The following UNC5C variants were observed in gnomAD, a reference collection of about 807,000 sequenced individuals.
UNC5C encodes the protein unc-5 netrin receptor C, also known as netrin receptor UNC5C.
Under a neutral mutation model 99.8 loss-of-function variants are expected in UNC5C, and 47 were observed. That is an observed-to-expected ratio of 0.47 (90% CI 0.37 to 0.60). The LOEUF (loss-of-function observed/expected upper bound fraction) is 0.60, where lower values mean the gene tolerates loss of function less well. UNC5C is among the 20% of genes least tolerant of loss of function. The probability of loss-of-function intolerance (pLI) is 0.00; values close to 1 mark genes in which losing one functional copy is unlikely to be tolerated. For synonymous variants in UNC5C, 487 were observed against 452.2 expected, an observed-to-expected ratio of 1.08 and a Z score of -0.98; for missense variants, 1,062 against 1,165.9, an observed-to-expected ratio of 0.91 and a Z score of 1.30.
rs1736323178 is a variant in UNC5C, at chr4:95,175,935, G to A, written c.2452-5603C>T. On this transcript the variant is annotated intron_variant, in intron 14 of 15. Transcript: ENST00000453304. ...TAGTCCCATATTTCTTGGAGGCTTTGCTCATTTCTTTTTATTCTTTTTTCT... is the reference window on the plus strand; with the variant it reads ...TAGTCCCATATTTCTTGGAGGCTTTACTCATTTCTTTTTATTCTTTTTTCT... Among the ~76,000 whole-genome samples, 4 of 151,470 alleles carry A rather than the reference G, an allele frequency of 2.6e-5. No homozygotes were observed. In the South Asian group the frequency reaches 8.4e-4, roughly 32 times the overall value.
In UNC5C at chr4:95,176,555, AG is replaced by A. The variant is rs745569330; in HGVS notation, c.2452-6224del. 2.6e-5 allele frequency among the ~76,000 whole-genome samples: 4 copies of A among 150,962 alleles called. No individual in the cohort carries two copies. The South Asian group carries it at 6.2e-4, about 24-fold the overall frequency. On this transcript the variant is annotated intron_variant, in intron 14 of 15. Coordinates refer to ENST00000453304, the MANE Select transcript of UNC5C (RefSeq NM_003728.4). ...GGGGTGCCTCCCAGTTAGGCTGCTC[AG>A]GGGTAGGGGTCAGGGACCCACTTGA... is the stretch of plus-strand genomic sequence containing the variant.
At position 95,185,035 on chromosome 4, in the gene UNC5C, TG is replaced by T. The variant is rs753512586; in HGVS notation, c.2286+11del. On this transcript the variant is annotated intron_variant, in intron 13 of 15. Coordinates refer to ENST00000453304, the MANE Select transcript of UNC5C (RefSeq NM_003728.4). ...ATGTCTCCAGACCTTTTGTTCGGCTTGGGAACCTTACCTGATATTTAGCCAG... is the reference window on the plus strand; with the variant it reads ...ATGTCTCCAGACCTTTTGTTCGGCTTGGAACCTTACCTGATATTTAGCCAG... 25 of 1,606,732 alleles carry T rather than the reference TG, an allele frequency of 1.6e-5. No individual in the cohort carries two copies. The highest frequency in any genetic ancestry group is 1.4e-5 in the Non-Finnish European group (16 of 1,177,794).
intron 2 of UNC5C, among the ~76,000 whole-genome samples, chr4:95,330,573 T>A (rs1212948714): frequency 1.3e-5 from 2 of 152,136 alleles, no homozygotes; most frequent in African/African-American, 4.8e-5. Context: ...TGGTTGGTGA[T>A]ACAAATTTTT....
chr4:95,359,726 G>C (rs112410762), intron 1 of UNC5C, among the ~76,000 whole-genome samples: 311 of 152,218 alleles, frequency 2.0e-3, no homozygotes, highest in African/African-American at 7.3e-3. Context: ...CCTGACTGCT[G>C]TAAACATGAC....
At chr4:95,477,542 G>A (rs980096930) in intron 1 of UNC5C, among the ~76,000 whole-genome samples, 1 of 152,122 alleles carries the variant, frequency 6.6e-6, no homozygotes, top group Non-Finnish European at 1.5e-5. Flanking sequence ...TTTCCTACAT[G>A]AGATGGAGAG....
chr4:95,371,950 C>G (rs1427155211), intron 1 of UNC5C, among the ~76,000 whole-genome samples: 1 of 152,142 alleles, frequency 6.6e-6, no homozygotes, highest in Non-Finnish European at 1.5e-5. Context: ...TTTCTGATTT[C>G]TACATTGTAA....
intron 1 of UNC5C, among the ~76,000 whole-genome samples, chr4:95,403,504 A>T (rs2149449271): frequency 6.6e-6 from 1 of 152,288 alleles, no homozygotes; most frequent in East Asian, 1.9e-4. Context: ...ACCTGCTAAT[A>T]CTTTCACTTT....
intron 1 of UNC5C, among the ~76,000 whole-genome samples, chr4:95,482,814 A>C (rs1721202588): frequency 8.0e-6 from 1 of 124,346 alleles, no homozygotes. Flanking sequence ...AACAATGAGA[A>C]CACATGGACA....
intron 1 of UNC5C, among the ~76,000 whole-genome samples, chr4:95,525,279 G>A (rs1430569881): frequency 1.3e-5 from 2 of 152,032 alleles, no homozygotes; most frequent in African/African-American, 2.4e-5. Flanking sequence ...GAATGCTCAA[G>A]TACTAAAATA....
chr4:95,171,664 G>T (rs1054535411), intron 14 of UNC5C, among the ~76,000 whole-genome samples: 2 of 151,040 alleles, frequency 1.3e-5, no homozygotes, highest in African/African-American at 2.4e-5. Context: ...TTGGTTCCAA[G>T]TCTTTGCTAT....
intron 7 of UNC5C, among the ~76,000 whole-genome samples, chr4:95,230,132 T>C (rs1333518445): frequency 6.6e-6 from 1 of 152,076 alleles, no homozygotes; most frequent in Admixed American, 6.6e-5. Context: ...TTTTTAATGA[T>C]CACCATTCTA....
intron 1 of UNC5C, among the ~76,000 whole-genome samples, chr4:95,418,386 AAACCAGGAG>A (rs1477566713): frequency 6.6e-6 from 1 of 152,226 alleles, no homozygotes; most frequent in Non-Finnish European, 1.5e-5. Flanking sequence ...CAATTTTTGT[AAACCAGGAG>A]AAGTGTTACA....
chr4:95,377,068 A>G (rs1008001706), intron 1 of UNC5C, among the ~76,000 whole-genome samples: 2 of 152,210 alleles, frequency 1.3e-5, no homozygotes, highest in Non-Finnish European at 2.9e-5. Flanking sequence ...GTAGCCAGGG[A>G]ACATAATCAG....
intron 1 of UNC5C, among the ~76,000 whole-genome samples, chr4:95,354,855 CT>C (rs1181619495): frequency 6.6e-6 from 1 of 152,032 alleles, no homozygotes; most frequent in African/African-American, 2.4e-5. Context: ...CATTTTCTAT[CT>C]CTCTCCCACC....
chr4:95,319,818 G>T (rs561530158), intron 2 of UNC5C, among the ~76,000 whole-genome samples: 1 of 152,180 alleles, frequency 6.6e-6, no homozygotes, highest in East Asian at 1.9e-4. Flanking sequence ...TGATAGGGTG[G>T]GGAGAGAGAA....
At chr4:95,421,599 T>G (rs10017332) in intron 1 of UNC5C, among the ~76,000 whole-genome samples, 20,042 of 143,938 alleles carry the variant, frequency 0.14, 1,434 homozygotes, top group East Asian at 0.22. Context: ...TGCTTCATAC[T>G]CCTACTATAC....
intron 7 of UNC5C, among the ~76,000 whole-genome samples, chr4:95,241,442 A>G (rs2149377989): frequency 6.6e-6 from 1 of 152,368 alleles, no homozygotes; most frequent in South Asian, 2.1e-4. Context: ...AAAAGTAAAC[A>G]GGATTTCATA....
In UNC5C at chr4:95,179,936, C is replaced by CTGAG. The variant is rs377149527; in HGVS notation, c.2451+2957_2451+2960dup. ...TAGTTTTCATTTATTTATATAGGATCTGAGTTTTATTTTTGTGTTTATTTT... is the reference window on the plus strand; with the variant it reads ...TAGTTTTCATTTATTTATATAGGATCTGAGTGAGTTTTATTTTTGTGTTTATTTT... On this transcript the variant is annotated intron_variant, in intron 14 of 15. Transcript: ENST00000453304. Among the ~76,000 whole-genome samples the CTGAG allele has an allele frequency of 4.5e-3, 687 of 151,944 alleles. 2 individuals carry two copies. Among genetic ancestry groups the CTGAG allele is most frequent in the African/African-American group, 0.016 (653 of 41,464 alleles).
chr4:95,473,979 C>CT (rs1309898020), intron 1 of UNC5C, among the ~76,000 whole-genome samples: 2 of 152,086 alleles, frequency 1.3e-5, no homozygotes, highest in Non-Finnish European at 2.9e-5. Flanking sequence ...ACATGTTTTT[C>CT]TTCAGCCTTC....
Sources: allele counts gnomAD v4.1 joint callset (sites outside exome capture counted in the v4.1 genomes callset), GRCh38; gene constraint gnomAD v4.1.1; transcripts MANE v1.5; gene names NCBI Gene and HGNC (gene_info 2026-07-23, HGNC 2026-07-21).